Variants in CELF2 observed in about 807,000 individuals in gnomAD.
CELF2 encodes CUGBP Elav-like family member 2, also known as CUG triplet repeat RNA-binding protein 2.
Under a neutral mutation model 62.6 loss-of-function variants are expected in CELF2, and 8 were observed. The observed-to-expected ratio is 0.13, with a 90% CI of 0.07 to 0.23. The LOEUF (loss-of-function observed/expected upper bound fraction) is 0.23, where lower values mean the gene tolerates loss of function less well. CELF2 is among the 10% of genes least tolerant of loss of function. The probability of loss-of-function intolerance (pLI) is 1.00; values close to 1 mark genes in which losing one functional copy is unlikely to be tolerated. For synonymous variants in CELF2, 258 were observed against 250.0 expected (o/e 1.03, Z -0.30); for missense variants, 333 against 671.0 (o/e 0.50, Z 5.56).
At chr10:10,666,633 C>A in the CELF2 span, among the ~76,000 whole-genome samples, 1 of 134,030 alleles carries the variant, frequency 7.5e-6, no homozygotes. Flanking sequence ...GAGGCCGAGG[C>A]GGGCGGATCA....
At chr10:11,286,752 A>G (rs10905926) in intron 8 of CELF2, among the ~76,000 whole-genome samples, 147,258 of 152,284 alleles carry the variant, frequency 0.97, 71,378 homozygotes, top group Non-Finnish European at 1. Flanking sequence ...CAAGGTTGCC[A>G]GAAGTCTGCC....
the CELF2 span, among the ~76,000 whole-genome samples, chr10:10,500,555 T>G: frequency 1.3e-5 from 2 of 152,156 alleles, no homozygotes; most frequent in Admixed American, 6.5e-5. Context: ...AAGACATGCC[T>G]TTTGCCTTCC....
intron 1 of CELF2, among the ~76,000 whole-genome samples, chr10:10,892,654 T>C (rs1321324029): frequency 6.6e-6 from 1 of 152,258 alleles, no homozygotes; most frequent in Non-Finnish European, 1.5e-5. Context: ...GTTCCCATTG[T>C]GATTTGAACT....
At chr10:11,148,990 C>T (rs1262702686) in intron 1 of CELF2, among the ~76,000 whole-genome samples, 2 of 152,186 alleles carry the variant, frequency 1.3e-5, no homozygotes, top group South Asian at 4.1e-4. Context: ...TGCATTTGTC[C>T]TGAGTTTTAA....
chr10:11,176,737 T>C (rs1423824747), intron 2 of CELF2, among the ~76,000 whole-genome samples: 4 of 152,198 alleles, frequency 2.6e-5, no homozygotes. Flanking sequence ...GAGACCTTTC[T>C]GTGTGCTTTG....
intron 2 of CELF2, chr10:10,970,594 G>T (rs2050653670): frequency 2.0e-5 from 3 of 152,116 alleles, no homozygotes; most frequent in Admixed American, 6.5e-5. Flanking sequence ...TAAAATAATT[G>T]TTTCTAAAAT....
chr10:11,310,716 A>C (rs117367613), intron 9 of CELF2, among the ~76,000 whole-genome samples: 4,625 of 152,142 alleles, frequency 0.03, 111 homozygotes, highest in Non-Finnish European at 0.048. Context: ...TATTACATGT[A>C]GACTGGCATC....
chr10:10,561,440 T>G, the CELF2 span, among the ~76,000 whole-genome samples: 1 of 152,232 alleles, frequency 6.6e-6, no homozygotes, highest in South Asian at 2.1e-4. Flanking sequence ...CTTCAGTTGC[T>G]GAGACAGAGC....
intron 2 of CELF2, among the ~76,000 whole-genome samples, chr10:10,989,482 T>C (rs1040124212): frequency 6.6e-6 from 1 of 152,080 alleles, no homozygotes; most frequent in South Asian, 2.1e-4. Context: ...ATGATACTGG[T>C]TAAACTTCCC....
chr10:10,631,160 C>T, the CELF2 span, among the ~76,000 whole-genome samples: 4 of 152,192 alleles, frequency 2.6e-5, no homozygotes, highest in African/African-American at 4.8e-5. Flanking sequence ...CTCAGCCTGA[C>T]ATTTGGAACT....
chr10:11,047,863 T>C (rs1319931625), intron 1 of CELF2, among the ~76,000 whole-genome samples: 3 of 152,212 alleles, frequency 2.0e-5, no homozygotes, highest in African/African-American at 7.2e-5. Flanking sequence ...CATGTTACTG[T>C]TGCCACATGC....
the CELF2 span, among the ~76,000 whole-genome samples, chr10:10,781,857 T>C: frequency 6.6e-6 from 1 of 152,152 alleles, no homozygotes; most frequent in Non-Finnish European, 1.5e-5. Context: ...CCTGTATCCA[T>C]ACTACAACTG....
At chr10:10,876,736 C>A (rs981609759) in intron 1 of CELF2, among the ~76,000 whole-genome samples, 1 of 152,190 alleles carries the variant, frequency 6.6e-6, no homozygotes, top group Non-Finnish European at 1.5e-5. Flanking sequence ...CTCTTATGTT[C>A]TCCTCTTCTT....
At chr10:10,607,695 T>C in the CELF2 span, among the ~76,000 whole-genome samples, 250 of 152,318 alleles carry the variant, frequency 1.6e-3, no homozygotes, top group African/African-American at 5.7e-3. Flanking sequence ...GAGTGAATCA[T>C]TTTCAATTAG....
chr10:11,163,832 G>T (rs190591990), intron 1 of CELF2, among the ~76,000 whole-genome samples: 1 of 152,172 alleles, frequency 6.6e-6, no homozygotes, highest in Non-Finnish European at 1.5e-5. Context: ...TCCTTACCCC[G>T]TAGGGTTTTG....
the CELF2 span, among the ~76,000 whole-genome samples, chr10:10,662,583 A>C: frequency 2.0e-5 from 3 of 152,202 alleles, no homozygotes; most frequent in Non-Finnish European, 4.4e-5. Flanking sequence ...CAAAAGGGAA[A>C]TTTGTGTGCC....
chr10:10,882,100 G>T (rs765971771), intron 1 of CELF2, among the ~76,000 whole-genome samples: 6 of 152,216 alleles, frequency 3.9e-5, no homozygotes, highest in Non-Finnish European at 8.8e-5. Flanking sequence ...CATTTATTTG[G>T]CTGGTTTCCC....
intron 1 of CELF2, among the ~76,000 whole-genome samples, chr10:11,104,456 C>T (rs1280277129): frequency 1.3e-5 from 2 of 152,118 alleles, no homozygotes; most frequent in African/African-American, 2.4e-5. Flanking sequence ...TTTGGAAGGC[C>T]AAGGCAGGAG....
intron 2 of CELF2, among the ~76,000 whole-genome samples, chr10:10,935,609 G>T (rs1436395821): frequency 6.6e-6 from 1 of 152,118 alleles, no homozygotes; most frequent in African/African-American, 2.4e-5. Context: ...TGCCTGGGAA[G>T]TTAACAAAGA....
Sources: allele counts gnomAD v4.1 joint callset (sites outside exome capture counted in the v4.1 genomes callset), GRCh38; gene constraint gnomAD v4.1.1; transcripts MANE v1.5; gene names NCBI Gene and HGNC (gene_info 2026-07-23, HGNC 2026-07-21).